AGL: variants seen among roughly 807,000 people sequenced by gnomAD.
The protein encoded by AGL is glycogen debranching enzyme.
In AGL, 128 loss-of-function variants were observed where a neutral mutation model predicts 199.3. That is an observed-to-expected ratio of 0.64 (90% CI 0.56 to 0.74). The LOEUF (loss-of-function observed/expected upper bound fraction) is 0.74. AGL is among the 30% of genes least tolerant of loss of function. The pLI is 0.00. For synonymous variants in AGL, 584 were observed against 594.7 expected (o/e 0.98, Z 0.26); for missense variants, 1,809 against 1,820.8 (o/e 0.99, Z 0.12).
intron 5 of AGL, 112 bp from the exon 6 acceptor site, chr1:99,870,288 A>G (rs1650879361): frequency 1.7e-6 from 2 of 1,142,994 alleles, no homozygotes; most frequent in South Asian, 1.4e-5. Flanking sequence ...GATGTCCAAT[A>G]TAGAAAAAAA....
In AGL at chr1:99,888,098, A is replaced by T; in HGVS notation, c.2802A>T (p.Ala934=). The T allele has an allele frequency of 6.2e-7, 1 of 1,613,010 alleles. No homozygotes were observed. Among genetic ancestry groups the T allele is most frequent in the Non-Finnish European group, 8.5e-7 (1 of 1,179,446 alleles). Residue 934 remains alanine, a synonymous_variant, in exon 21 of 34, where the codon GCA becomes GCT. Transcript: ENST00000361915. ...DIPNWSALKY[A]GLQGLMSVLA... ...CAAACTGGTCAGCCCTTAAATATGC[A>T]GGTCTTCAAGGTAAGCAAATGGAAG...
rs1175712682 is a variant in AGL, at chr1:99,922,031, A to C, written c.*380A>C. On this transcript the variant is annotated 3_prime_UTR_variant, in exon 34 of 34. Transcript: ENST00000361915. The stretch of plus-strand genomic sequence containing the variant: ...TGTGGTATATATAATCTTCAGTAAC[A>C]ATACATACTGAATACGCTGTGGTTC... The C allele has an allele frequency of 1.7e-5, 3 of 172,334 alleles. No homozygotes were observed. The highest frequency in any genetic ancestry group is 7.2e-5 in the African/African-American group (3 of 41,620). 10.7% of individuals were successfully genotyped at this position (172,334 alleles called of 1,614,324 possible). A position where few individuals can be genotyped will look rare whatever the true frequency, so the allele number is the denominator to read the frequency against.
intron 7 of AGL, 51 bp downstream of exon 7, chr1:99,870,920 T>C (rs746611877): frequency 4.3e-6 from 5 of 1,152,066 alleles, no homozygotes; most frequent in South Asian, 2.6e-5. Flanking sequence ...AATGTAATAT[T>C]ATAAAGGGAA....
intron 26 of AGL, 83 bp downstream of exon 26, chr1:99,900,944 G>C: frequency 8.2e-7 from 1 of 1,222,210 alleles, no homozygotes; most frequent in Non-Finnish European, 1.2e-6. Context: ...AAAAATAAGG[G>C]TAATTAAGAA....
At chr1:99,886,173 T>G (rs1652439635) in intron 20 of AGL, among the ~76,000 whole-genome samples, 2 of 152,208 alleles carry the variant, frequency 1.3e-5, no homozygotes, top group African/African-American at 4.8e-5. Context: ...AGACTCTTAT[T>G]AGCTATAAGA....
In AGL at chr1:99,891,349, T is replaced by C. The variant is rs138333678; in HGVS notation, c.2942T>C (p.Ile981Thr). ...CGGCTTATTTCACGATCAGGAACTA[T>C]TGCTGAAGTAAGTAGAGCTATATTA... is the stretch of plus-strand genomic sequence containing the variant. ...SNRLISRSGTIAEVGKWLQAM... is the reference protein window; with the variant it reads ...SNRLISRSGTTAEVGKWLQAM... Residue 981 changes from isoleucine to threonine, a missense_variant, in exon 22 of 34, where the codon ATT (isoleucine) becomes ACT (threonine). Transcript: ENST00000361915. 3.1e-6 allele frequency: 5 copies of C among 1,613,538 alleles called. No individual in the cohort carries two copies. Among genetic ancestry groups the C allele is most frequent in the Middle Eastern group, 1.6e-4 (1 of 6,066 alleles).
chr1:99,910,143 T>A (rs1233315910), intron 27 of AGL, among the ~76,000 whole-genome samples: 1 of 152,132 alleles, frequency 6.6e-6, no homozygotes, highest in Non-Finnish European at 1.5e-5. Context: ...GTTGCATGGA[T>A]ATATTGGGTA....
chr1:99,880,225 A>G (rs1186320950), intron 13 of AGL, among the ~76,000 whole-genome samples, 179 bp downstream of exon 13: 1 of 152,184 alleles, frequency 6.6e-6, no homozygotes, highest in Non-Finnish European at 1.5e-5. Flanking sequence ...ATAAATTTCT[A>G]CTTTGGGGTA....
rs752437446 is a variant in AGL, at chr1:99,851,050, A to G, written c.8A>G (p.His3Arg). The G allele has an allele frequency of 6.2e-7, 1 of 1,613,794 alleles. No individual in the cohort carries two copies. Among genetic ancestry groups the G allele is most frequent in the Admixed American group, 1.7e-5 (1 of 60,014 alleles). ...AATCCTCTAGAAGCCAAAATGGGACACAGTAAACAGATTCGAATTTTACTT... is the reference window on the plus strand; with the variant it reads ...AATCCTCTAGAAGCCAAAATGGGACGCAGTAAACAGATTCGAATTTTACTT... MG[H>R]SKQIRILLLN... The change falls in exon 2 of 34, where the codon CAC becomes CGC. Residue 3 changes from histidine (H) to arginine (R), a missense_variant. Coordinates refer to ENST00000361915, the MANE Select transcript of AGL (RefSeq NM_000642.3).
intron 27 of AGL, among the ~76,000 whole-genome samples, chr1:99,903,048 A>G (rs1653970362): frequency 6.6e-6 from 1 of 152,140 alleles, no homozygotes; most frequent in Non-Finnish European, 1.5e-5. Context: ...CTGCATGCTT[A>G]CTATTGCTAG....
chr1:99,852,424 T>C, intron 2 of AGL: 1 of 506,492 alleles, frequency 2.0e-6, no homozygotes, highest in Middle Eastern at 5.2e-4. Flanking sequence ...AAGCTGAGTG[T>C]TGTGGCATGA....
At chr1:99,908,071 CA>C (rs1181390220) in intron 27 of AGL, among the ~76,000 whole-genome samples, 2 of 151,998 alleles carry the variant, frequency 1.3e-5, no homozygotes, top group East Asian at 3.9e-4. Context: ...GTATCATATG[CA>C]AAAAAGCCTC....
At chr1:99,858,454 A>G (rs1033629952) in intron 2 of AGL, among the ~76,000 whole-genome samples, 1 of 152,174 alleles carries the variant, frequency 6.6e-6, no homozygotes, top group Non-Finnish European at 1.5e-5. Flanking sequence ...TGCACTCCCT[A>G]TTGGAGCGAC....
intron 28 of AGL, among the ~76,000 whole-genome samples, chr1:99,911,553 C>A (rs1185250623): frequency 5.3e-5 from 8 of 152,152 alleles, no homozygotes; most frequent in African/African-American, 1.9e-4. Context: ...AGCAATTCTC[C>A]TGTCTCAGCC....
chr1:99,873,129 C>G (rs999071746), intron 7 of AGL, among the ~76,000 whole-genome samples: 10 of 151,780 alleles, frequency 6.6e-5, no homozygotes, highest in African/African-American at 2.4e-4. Flanking sequence ...ATTCTCTTTT[C>G]TTCTAATTTG....
chr1:99,897,232 C>T (rs1653402301), intron 25 of AGL, among the ~76,000 whole-genome samples: 2 of 152,212 alleles, frequency 1.3e-5, no homozygotes, highest in South Asian at 4.1e-4. Context: ...GTGTCACCCT[C>T]ACCTGAGAGC....
chr1:99,918,953 C>G (rs1655324394), intron 33 of AGL, among the ~76,000 whole-genome samples: 1 of 152,178 alleles, frequency 6.6e-6, no homozygotes, highest in Non-Finnish European at 1.5e-5. Flanking sequence ...ACTGCTTCTT[C>G]TCATCCTTTT....
At chr1:99,885,853 T>C (rs1409924396) in intron 20 of AGL, among the ~76,000 whole-genome samples, 1 of 152,110 alleles carries the variant, frequency 6.6e-6, no homozygotes, top group Admixed American at 6.5e-5. Flanking sequence ...ATAGTAGAAA[T>C]AAAGTACACA....
At chr1:99,892,156 G>A (rs369449617) in intron 23 of AGL, among the ~76,000 whole-genome samples, 4 of 151,954 alleles carry the variant, frequency 2.6e-5, no homozygotes, top group Admixed American at 6.6e-5. Flanking sequence ...AAGTGTACTC[G>A]TGAGAGCCAC....
Sources: gnomAD v4.1 joint callset for allele counts (sites outside exome capture counted in the v4.1 genomes callset) on GRCh38, gnomAD v4.1.1 for gene constraint, MANE v1.5 for transcripts, NCBI Gene and HGNC (gene_info 2026-07-23, HGNC 2026-07-21) for gene names.